The following CMYA5 variants were observed in gnomAD, a reference collection of about 807,000 sequenced individuals.
CMYA5 encodes cardiomyopathy-associated protein 5.
Under a neutral mutation model 318.9 loss-of-function variants are expected in CMYA5, and 246 were observed. The observed-to-expected ratio is 0.77, with a 90% CI of 0.70 to 0.86. The LOEUF (loss-of-function observed/expected upper bound fraction) is 0.86. Ranked by LOEUF, CMYA5 falls within the 40% of genes least tolerant of loss-of-function variation. The pLI is 0.00. For synonymous variants in CMYA5, 1,641 were observed against 1,729.5 expected, an observed-to-expected ratio of 0.95 and a Z score of 1.27; for missense variants, 4,589 against 4,678.2, an observed-to-expected ratio of 0.98 and a Z score of 0.56.
In CMYA5 at chr5:79,763,260, T is replaced by G. The variant is rs1374956147; in HGVS notation, c.11555+51T>G. 2.0e-6 allele frequency: 3 copies of G among 1,485,050 alleles called. No homozygotes were observed. In the African/African-American group the frequency reaches 4.2e-5, roughly 21 times the overall value. The allele number at this position is 1,485,050 out of a possible 1,614,324, so 92.0% of individuals were successfully genotyped here. A position where few individuals can be genotyped will look rare whatever the true frequency, so the allele number is the denominator to read the frequency against. On this transcript the variant is annotated intron_variant, in intron 9 of 12. Transcript: ENST00000446378. ...ACTGCCCAGAGCCCAGTAACCAAGC[T>G]CTGGGTCCTAAACTACCCTCTAACT... is the stretch of plus-strand genomic sequence containing the variant.
chr5:79,746,547 T>TAAA (rs11423461), intron 4 of CMYA5, among the ~76,000 whole-genome samples: 1,085 of 68,806 alleles, frequency 0.016, 19 homozygotes, highest in Middle Eastern at 0.051. Flanking sequence ...GAGCAAACTG[T>TAAA]AAAAAAAAAA....
intron 1 of CMYA5, among the ~76,000 whole-genome samples, chr5:79,700,688 A>G (rs1025253514): frequency 1.3e-5 from 2 of 152,238 alleles, no homozygotes; most frequent in African/African-American, 4.8e-5. Context: ...TGGATAAGGA[A>G]AATGGGATAT....
chr5:79,714,071 G>A (rs1286861618), intron 1 of CMYA5, among the ~76,000 whole-genome samples: 2 of 152,174 alleles, frequency 1.3e-5, no homozygotes, highest in Non-Finnish European at 2.9e-5. Flanking sequence ...CTTGGAGGTT[G>A]GAGTAGCATT....
At chr5:79,700,150 C>T (rs1410014532) in intron 1 of CMYA5, among the ~76,000 whole-genome samples, 1 of 152,180 alleles carries the variant, frequency 6.6e-6, no homozygotes, top group Non-Finnish European at 1.5e-5. Flanking sequence ...GCTGCTCAAC[C>T]TGCTACAGTT....
At chr5:79,707,947 C>T (rs1827306419) in intron 1 of CMYA5, among the ~76,000 whole-genome samples, 1 of 152,222 alleles carries the variant, frequency 6.6e-6, no homozygotes, top group African/African-American at 2.4e-5. Flanking sequence ...GCTGAGTCCT[C>T]ACACAGTGGA....
Position 79,689,974 on chromosome 5 carries a change from A to C in CMYA5, c.67A>C (p.Thr23Pro). The C allele has an allele frequency of 1.5e-6, 2 of 1,342,036 alleles. No individual in the cohort carries two copies. Among genetic ancestry groups the C allele is most frequent in the Non-Finnish European group, 2.1e-6 (2 of 966,278 alleles). The allele number at this position is 1,342,036 out of a possible 1,614,324, so 83.1% of individuals were successfully genotyped here. A position where few individuals can be genotyped will look rare whatever the true frequency, so the allele number is the denominator to read the frequency against. The change falls in exon 1 of 13, where the codon ACC (threonine) becomes CCC (proline). Residue 23 changes from threonine to proline, a missense_variant. Physicochemically the swap from Thr to Pro is conservative, Grantham distance 38. Around this residue, in one of 3 missense-constraint regions of CMYA5, gnomAD observed 2,132 missense variants for 2,131.3 expected, o/e 1.00. Coordinates refer to ENST00000446378, the MANE Select transcript of CMYA5 (RefSeq NM_153610.5). The stretch of plus-strand genomic sequence containing the variant: ...CGGCTCCGACGGGGACGAGGAGGCG[A>C]CCCGGGAGCTGGAGACCGAGGAGGA... ...FLGSDGDEEA[T>P]RELETEEESE...
At chr5:79,713,307 C>T (rs573112860) in intron 1 of CMYA5, among the ~76,000 whole-genome samples, 1 of 129,136 alleles carries the variant, frequency 7.7e-6, no homozygotes, top group Admixed American at 8.3e-5. Flanking sequence ...GCCCCCACCC[C>T]CCACCCGCCG....
At chr5:79,795,385 A>G (rs1829258541) in intron 12 of CMYA5, among the ~76,000 whole-genome samples, 1 of 152,144 alleles carries the variant, frequency 6.6e-6, no homozygotes, top group Non-Finnish European at 1.5e-5. Flanking sequence ...TACTCACAGA[A>G]TCTAGGTTTT....
chr5:79,761,685 T>G, intron 7 of CMYA5, 126 bp from the exon 8 acceptor site: 1 of 940,194 alleles, frequency 1.1e-6, no homozygotes, highest in Non-Finnish European at 1.5e-6. Context: ...TTTCACATAA[T>G]GGTATCTGTA....
At chr5:79,714,431 C>CTT (rs71615553) in intron 1 of CMYA5, among the ~76,000 whole-genome samples, 160 of 100,662 alleles carry the variant, frequency 1.6e-3, no homozygotes, top group African/African-American at 3.4e-3. Context: ...TTTTCTTTTT[C>CTT]TTTTTTTTTT....
At chr5:79,770,222 A>C (rs1175807092) in intron 9 of CMYA5, among the ~76,000 whole-genome samples, 1 of 152,144 alleles carries the variant, frequency 6.6e-6, no homozygotes, top group African/African-American at 2.4e-5. Flanking sequence ...AAGCCAGTGG[A>C]TCTTAGCTTG....
rs1011071566 is a variant in CMYA5 at position 79,693,739 on chromosome 5, T to A, written c.149+3683T>A. ...ATGTATTCATTTGGCAGATATTTAT[T>A]GAACTCCTACAATGTGCCAGAGACT... On this transcript the variant is annotated intron_variant, in intron 1 of 12. Coordinates refer to ENST00000446378, the MANE Select transcript of CMYA5 (RefSeq NM_153610.5). 2.0e-5 allele frequency among the ~76,000 whole-genome samples: 3 copies of A among 152,220 alleles called. No individual in the cohort carries two copies. In the East Asian group the frequency reaches 5.8e-4, roughly 29 times the overall value.
intron 9 of CMYA5, among the ~76,000 whole-genome samples, chr5:79,770,644 T>G (rs972645282): frequency 6.6e-6 from 1 of 151,938 alleles, no homozygotes; most frequent in African/African-American, 2.4e-5. Flanking sequence ...GGTACCTCAG[T>G]TGGAAATGCA....
intron 1 of CMYA5, among the ~76,000 whole-genome samples, chr5:79,708,630 A>AAT (rs1827321157): frequency 6.6e-6 from 1 of 151,974 alleles, no homozygotes; most frequent in Admixed American, 6.6e-5. Context: ...ATCTCAAAAA[A>AAT]AAAAGAAAGT....
At chr5:79,789,730 A>G (rs894459891) in intron 10 of CMYA5, among the ~76,000 whole-genome samples, 2 of 152,076 alleles carry the variant, frequency 1.3e-5, no homozygotes, top group African/African-American at 4.8e-5. Context: ...TGGCCTCTCC[A>G]GATGATTTTT....
intron 1 of CMYA5, among the ~76,000 whole-genome samples, chr5:79,696,787 C>T (rs540153061): frequency 7.9e-4 from 120 of 152,260 alleles, no homozygotes; most frequent in African/African-American, 2.8e-3. Flanking sequence ...GGGCAGGTCA[C>T]CTGAGGTCAG....
rs528502070 is a variant in CMYA5 at position 79,771,626 on chromosome 5, G to T, written c.11555+8417G>T. ...AATATGGCTACAAGGAGAAGGGATG[G>T]GGGGATGGCGTTCCATTGAGGGCCT... On this transcript the variant is annotated intron_variant, in intron 9 of 12. Coordinates refer to ENST00000446378, the MANE Select transcript of CMYA5 (RefSeq NM_153610.5). Among the ~76,000 whole-genome samples, 4 of 152,322 alleles carry T rather than the reference G, an allele frequency of 2.6e-5. No homozygotes were observed. In the South Asian group the frequency reaches 8.3e-4, roughly 32 times the overall value.
At chr5:79,726,775 A>T (rs1289199200) in intron 1 of CMYA5, among the ~76,000 whole-genome samples, 1 of 152,112 alleles carries the variant, frequency 6.6e-6, no homozygotes, top group Non-Finnish European at 1.5e-5. Flanking sequence ...GAAGCTTAAT[A>T]AGGGAAGTTG....
chr5:79,777,588 G>A (rs1298857663), intron 9 of CMYA5, among the ~76,000 whole-genome samples: 7 of 151,846 alleles, frequency 4.6e-5, no homozygotes, highest in Non-Finnish European at 8.8e-5. Context: ...CCTGGCCAAC[G>A]TGGTGAAACC....
Sources: gnomAD v4.1 joint callset for allele counts (sites outside exome capture counted in the v4.1 genomes callset) on GRCh38, gnomAD v4.1.1 for gene constraint, gnomAD v4.1.1 regional missense constraint, MANE v1.5 for transcripts, NCBI Gene and HGNC (gene_info 2026-07-23, HGNC 2026-07-21) for gene names.